CPNE7: variants seen among roughly 807,000 people sequenced by gnomAD.
CPNE7 encodes the protein copine 7.
A neutral mutation model predicts 66.5 loss-of-function variants in CPNE7; 78 were observed. The observed-to-expected ratio is 1.17, with a 90% CI of 0.98 to 1.42. The LOEUF is 1.42. Among genes scored for constraint, CPNE7 ranks in the 40% most tolerant of loss-of-function variants. The pLI, the probability that CPNE7 is intolerant of heterozygous loss-of-function variation, is 0.00. For synonymous variants in CPNE7, 468 were observed against 336.7 expected, an observed-to-expected ratio of 1.39 and a Z score of -4.27; for missense variants, 1,012 against 776.6, an observed-to-expected ratio of 1.30 and a Z score of -3.60.
At chr16:89,587,440 G>C (rs2059072372) in intron 9 of CPNE7, 1 of 400,280 alleles carries the variant, frequency 2.5e-6, no homozygotes, top group Non-Finnish European at 5.0e-6. Flanking sequence ...GGCTCCTGGG[G>C]GTCCTCCCTT....
At chr16:89,581,217 C>T (rs1292686336) in intron 2 of CPNE7, among the ~76,000 whole-genome samples, 1 of 151,314 alleles carries the variant, frequency 6.6e-6, no homozygotes, top group Non-Finnish European at 1.5e-5. Flanking sequence ...TCACCCATCA[C>T]ATGGAACATC....
At chr16:89,595,815 C>T (rs777235048) in intron 14 of CPNE7, 50 of 680,380 alleles carry the variant, frequency 7.3e-5, no homozygotes, top group Admixed American at 2.2e-4. Flanking sequence ...TGAAACTTGT[C>T]GAATCTACAC....
At chr16:89,593,746 A>G (rs551397619) in intron 13 of CPNE7, among the ~76,000 whole-genome samples, 35 of 152,354 alleles carry the variant, frequency 2.3e-4, no homozygotes, top group African/African-American at 8.4e-4. Flanking sequence ...TTGAATTTAG[A>G]TACAATCCTT....
intron 2 of CPNE7, chr16:89,578,820 T>C: frequency 6.4e-7 from 1 of 1,567,402 alleles, no homozygotes; most frequent in Non-Finnish European, 8.6e-7. Context: ...TGGCCACTGC[T>C]TCCTTGGTGA....
In CPNE7 at chr16:89,576,002, C is replaced by T; in HGVS notation, c.105C>T (p.Asp35=). 7.3e-7 allele frequency: 1 copy of T among 1,375,522 alleles called. No individual in the cohort carries two copies. Among genetic ancestry groups the T allele is most frequent in the Non-Finnish European group, 9.4e-7 (1 of 1,063,732 alleles). The allele number at this position is 1,375,522 out of a possible 1,614,324, so 85.2% of individuals were successfully genotyped here. The change falls in exon 1 of 15, where the codon GAC becomes GAT. Residue 35 remains aspartate (D), a synonymous_variant. Transcript: ENST00000319518. ...GGCTCAGCTGCCGGCACCTGCTGGACCGCGACCCGCTCACCAAGTCCGACC... is the reference window on the plus strand; with the variant it reads ...GGCTCAGCTGCCGGCACCTGCTGGATCGCGACCCGCTCACCAAGTCCGACC... ...ELRLSCRHLL[D]RDPLTKSDPS... is the part of the protein sequence containing the mutation.
intron 1 of CPNE7, among the ~76,000 whole-genome samples, chr16:89,576,487 G>A (rs1271583351): frequency 2.0e-5 from 3 of 152,050 alleles, no homozygotes; most frequent in Non-Finnish European, 4.4e-5. Context: ...AGGCCGGCGA[G>A]GGAGCGCGCG....
Position 89,595,367 on chromosome 16 carries a change from C to G in CPNE7, c.1303C>G (p.Gln435Glu). 4 of 1,563,540 alleles carry G rather than the reference C, an allele frequency of 2.6e-6. No individual in the cohort carries two copies. The African/African-American group carries it at 4.0e-5, about 16-fold the overall frequency. ...AAEESTGKASQYYILLILTDG... is the reference protein window; with the variant it reads ...AAEESTGKASEYYILLILTDG... ...GCTGATGCCTTTCCTGTGCCCCCAG[C>G]AATACTACATCCTGCTGATCCTGAC... Residue 435 changes from glutamine (Q) to glutamate (E), a missense_variant and splice_region_variant, in exon 14 of 15, where the codon CAA (glutamine) becomes GAA (glutamate). Physicochemically the swap from Gln to Glu is conservative, Grantham distance 29 (BLOSUM62 2). Transcript: ENST00000319518.
chr16:89,577,503 C>T, intron 1 of CPNE7, 36 bp from the exon 2 acceptor site: 1 of 1,547,698 alleles, frequency 6.5e-7, no homozygotes, highest in Non-Finnish European at 8.7e-7. Context: ...GGGTGGAAGC[C>T]TCTGGAGTGG....
rs1258877748 is a variant in CPNE7 at position 89,576,032 on chromosome 16, C to T, written c.135C>T (p.Ser45=). The T allele has an allele frequency of 2.2e-6, 3 of 1,335,278 alleles. 1 individual carries two copies. The South Asian group carries it at 5.6e-5, about 25-fold the overall frequency. 82.7% of individuals were successfully genotyped at this position (1,335,278 alleles called of 1,614,324 possible). Residue 45 remains serine (S), a synonymous_variant, in exon 1 of 15, where the codon AGC becomes AGT. Transcript: ENST00000319518. The part of the protein sequence containing the change: ...DRDPLTKSDP[S]VALLQQAQGQ... ...ACCCGCTCACCAAGTCCGACCCCAG[C>T]GTGGCGTTGCTGCAGCAGGCGCAGG...
chr16:89,587,247 CTCCCG>C (rs2151442261), intron 9 of CPNE7, 145 bp downstream of exon 9: 1 of 236,558 alleles, frequency 4.2e-6, no homozygotes, highest in South Asian at 3.0e-5. Context: ...GGCCCCGCCC[CTCCCG>C]CCCCCTCAGT....
intron 5 of CPNE7, 44 bp from the exon 6 acceptor site, chr16:89,585,420 C>A: frequency 1.4e-6 from 2 of 1,417,030 alleles, no homozygotes; most frequent in East Asian, 2.4e-5. Flanking sequence ...CCAAGGATCC[C>A]AGGGCCCTGG....
intron 9 of CPNE7, chr16:89,587,691 A>G (rs2059078890): frequency 2.8e-6 from 1 of 358,614 alleles, no homozygotes; most frequent in Non-Finnish European, 5.8e-6. Flanking sequence ...ACCCATAGAT[A>G]CGCACACCCC....
chr16:89,588,940 C>G (rs114759325), intron 10 of CPNE7, 132 bp downstream of exon 10: 2 of 1,065,754 alleles, frequency 1.9e-6, no homozygotes, highest in Non-Finnish European at 2.7e-6. Context: ...TTTTCCCTCA[C>G]CCCCCTGGGC....
intron 2 of CPNE7, chr16:89,578,773 AAAAAAG>A: frequency 4.9e-6 from 7 of 1,414,568 alleles, no homozygotes; most frequent in South Asian, 1.6e-5. Context: ...AAAAAAAAAA[AAAAAAG>A]AAGCCTCCTT....
At chr16:89,581,003 T>C (rs2058947766) in intron 2 of CPNE7, among the ~76,000 whole-genome samples, 1 of 141,284 alleles carries the variant, frequency 7.1e-6, no homozygotes, top group African/African-American at 2.7e-5. Flanking sequence ...CCATCACCTG[T>C]CACACGGAAC....
rs1184703732 is a variant in CPNE7 at position 89,595,421 on chromosome 16, A to G, written c.1357A>G (p.Thr453Ala). 1 of 1,605,282 alleles carries G rather than the reference A, an allele frequency of 6.2e-7. No homozygotes were observed. The highest frequency in any genetic ancestry group is 8.5e-7 in the Non-Finnish European group (1 of 1,174,452). Residue 453 changes from threonine (T) to alanine (A), a missense_variant, in exon 14 of 15, where the codon ACA becomes GCA. Thr to Ala is a moderately conservative substitution (Grantham distance 58). Coordinates refer to ENST00000319518, the MANE Select transcript of CPNE7 (RefSeq NM_153636.3). ...TDGVVTDMAD[T>A]REAIVRASRL... The stretch of plus-strand genomic sequence containing the variant: ...CGGCGTGGTGACCGACATGGCCGAC[A>G]CACGGGAGGCCATTGTGCGTGCCTC...
At chr16:89,590,874 G>A in intron 11 of CPNE7, 133 bp from the exon 12 acceptor site, 1 of 842,368 alleles carries the variant, frequency 1.2e-6, no homozygotes, top group Non-Finnish European at 1.8e-6. Context: ...GGGGACATGA[G>A]GGCGGGGACG....
intron 5 of CPNE7, 98 bp from the exon 6 acceptor site, chr16:89,585,366 G>A: frequency 8.3e-6 from 7 of 845,822 alleles, no homozygotes; most frequent in Admixed American, 2.1e-5. Context: ...AGGGCCAGCT[G>A]TGCCCGCCTC....
intron 13 of CPNE7, among the ~76,000 whole-genome samples, 160 bp downstream of exon 13, chr16:89,591,420 G>A (rs34551621): frequency 0.029 from 4,367 of 152,276 alleles, 95 homozygotes; most frequent in Non-Finnish European, 0.045. Context: ...GGTTGACTAC[G>A]TCTCCCTCAA....
Sources: allele counts gnomAD v4.1 joint callset (sites outside exome capture counted in the v4.1 genomes callset), GRCh38; gene constraint gnomAD v4.1.1; transcripts MANE v1.5; gene names NCBI Gene and HGNC (gene_info 2026-07-23, HGNC 2026-07-21).